CDA: variants seen among roughly 807,000 people sequenced by gnomAD.
CDA encodes cytidine aminohydrolase.
A neutral mutation model predicts 15.0 loss-of-function variants in CDA; 7 were observed. The observed-to-expected ratio is 0.47, with a 90% CI of 0.26 to 0.87. The LOEUF (loss-of-function observed/expected upper bound fraction) is 0.87. Ranked by LOEUF, CDA falls within the 40% of genes least tolerant of loss-of-function variation. The probability of loss-of-function intolerance (pLI) is 0.15; values close to 1 mark genes in which losing one functional copy is unlikely to be tolerated. For missense variants in CDA, 159 were observed against 182.7 expected (o/e 0.87, Z 0.75); for synonymous variants, 58 against 73.0 (o/e 0.79, Z 1.05).
chr1:20,609,567 G>T lies in CDA; in HGVS notation c.267-4275G>T, dbSNP rs1366458304. Among the ~76,000 whole-genome samples, 9 of 152,288 alleles carry T rather than the reference G, an allele frequency of 5.9e-5. 1 individual carries two copies. In the South Asian group the frequency reaches 1.9e-3, roughly 32 times the overall value. On this transcript the variant is annotated intron_variant, in intron 2 of 3. Coordinates refer to ENST00000375071, the MANE Select transcript of CDA (RefSeq NM_001785.3). ...GGGCCTTACAGGCCATGAAAGGAAGGCTGAATTTCATTCAGAGCAACTCTC... is the reference window on the plus strand; with the variant it reads ...GGGCCTTACAGGCCATGAAAGGAAGTCTGAATTTCATTCAGAGCAACTCTC...
At chr1:20,601,661 C>T (rs577042) in intron 1 of CDA, among the ~76,000 whole-genome samples, 119,166 of 152,150 alleles carry the variant, frequency 0.78, 47,002 homozygotes, top group Middle Eastern at 0.89. Flanking sequence ...TGAATGCCTG[C>T]GATCCTGAGA....
chr1:20,596,689 C>T (rs1557546180), intron 1 of CDA, among the ~76,000 whole-genome samples: 1 of 151,230 alleles, frequency 6.6e-6, no homozygotes, highest in African/African-American at 2.4e-5. Context: ...TGCTTTCTGG[C>T]ATTATTCTTT....
At chr1:20,605,935 G>A (rs143909706) in intron 2 of CDA, among the ~76,000 whole-genome samples, 1,590 of 126,348 alleles carry the variant, frequency 0.013, 303 homozygotes, top group African/African-American at 0.042. Context: ...TATAGGTTCT[G>A]TATTGTTTGA....
chr1:20,616,128 C>T (rs938267468), intron 3 of CDA, among the ~76,000 whole-genome samples: 1 of 152,168 alleles, frequency 6.6e-6, no homozygotes, highest in African/African-American at 2.4e-5. Context: ...TACTGAAGGG[C>T]CCCCTGCCAG....
chr1:20,602,067 G>C (rs1222490547), intron 1 of CDA, among the ~76,000 whole-genome samples: 1 of 148,058 alleles, frequency 6.8e-6, no homozygotes, highest in African/African-American at 2.5e-5. Context: ...GTTACAGTGA[G>C]CTATGATCAT....
At chr1:20,602,486 T>C (rs1347618336) in intron 1 of CDA, among the ~76,000 whole-genome samples, 4 of 152,060 alleles carry the variant, frequency 2.6e-5, no homozygotes, top group Admixed American at 2.6e-4. Context: ...CGCAGTGGCA[T>C]GATCTCGGCT....
chr1:20,599,189 C>T (rs578057487), intron 1 of CDA, among the ~76,000 whole-genome samples: 4 of 152,276 alleles, frequency 2.6e-5, no homozygotes, highest in African/African-American at 9.6e-5. Context: ...GGCCCTGTGG[C>T]AGGAGCATAC....
chr1:20,600,875 T>C (rs2052637905), intron 1 of CDA, among the ~76,000 whole-genome samples: 1 of 152,234 alleles, frequency 6.6e-6, no homozygotes, highest in African/African-American at 2.4e-5. Flanking sequence ...TCAACTTTCA[T>C]TGACTCAGCA....
chr1:20,616,770 C>T (rs755399362), intron 3 of CDA, among the ~76,000 whole-genome samples: 1 of 152,146 alleles, frequency 6.6e-6, no homozygotes, highest in Non-Finnish European at 1.5e-5. Flanking sequence ...TAAACTCGCC[C>T]TCGGCTCAAC....
chr1:20,603,061 G>A (rs2052662120), intron 1 of CDA, among the ~76,000 whole-genome samples: 1 of 152,174 alleles, frequency 6.6e-6, no homozygotes, highest in Admixed American at 6.5e-5. Context: ...CTGCCTTCCT[G>A]GTTATTGCAG....
At chr1:20,599,952 C>A (rs147000625) in intron 1 of CDA, among the ~76,000 whole-genome samples, 6 of 152,332 alleles carry the variant, frequency 3.9e-5, no homozygotes, top group Non-Finnish European at 7.3e-5. Flanking sequence ...GAGGTTCAGT[C>A]CCTTTCCCCA....
At chr1:20,601,302 G>A (rs1280504361) in intron 1 of CDA, among the ~76,000 whole-genome samples, 1 of 152,160 alleles carries the variant, frequency 6.6e-6, no homozygotes, top group Admixed American at 6.5e-5. Context: ...ACTCTGATTG[G>A]CCAGTTTGAG....
At chr1:20,616,662 G>T (rs982290719) in intron 3 of CDA, among the ~76,000 whole-genome samples, 2 of 152,144 alleles carry the variant, frequency 1.3e-5, no homozygotes, top group Non-Finnish European at 2.9e-5. Flanking sequence ...GTTGGCAAAC[G>T]AGAGAAGGCA....
intron 1 of CDA, among the ~76,000 whole-genome samples, chr1:20,597,868 G>C (rs1287196505): frequency 6.7e-6 from 1 of 150,210 alleles, no homozygotes; most frequent in Non-Finnish European, 1.5e-5. Context: ...CGTGGGCAAA[G>C]GCTTCCTTCC....
intron 1 of CDA, among the ~76,000 whole-genome samples, chr1:20,601,090 C>T (rs1570379608): frequency 6.6e-6 from 1 of 152,198 alleles, no homozygotes; most frequent in Non-Finnish European, 1.5e-5. Context: ...TATAACTAAA[C>T]CGTGGGAAGA....
chr1:20,617,179 C>T (rs2154532959), intron 3 of CDA, among the ~76,000 whole-genome samples: 1 of 152,258 alleles, frequency 6.6e-6, no homozygotes, highest in South Asian at 2.1e-4. Flanking sequence ...ACTGAGTGAG[C>T]CCCAGAAAGT....
intron 1 of CDA, among the ~76,000 whole-genome samples, chr1:20,595,986 T>C (rs1165827282): frequency 7.1e-6 from 1 of 140,960 alleles, no homozygotes; most frequent in Non-Finnish European, 1.6e-5. Flanking sequence ...TCGTCTCTAT[T>C]AAAAATACAA....
chr1:20,609,468 A>T (rs954941766), intron 2 of CDA, among the ~76,000 whole-genome samples: 2 of 152,316 alleles, frequency 1.3e-5, no homozygotes, highest in Non-Finnish European at 2.9e-5. Flanking sequence ...CCTGGGCGAC[A>T]GAGCGAGACT....
At chr1:20,598,702 A>G (rs561629822) in intron 1 of CDA, among the ~76,000 whole-genome samples, 1 of 152,294 alleles carries the variant, frequency 6.6e-6, no homozygotes, top group East Asian at 1.9e-4. Context: ...AATAGCACTA[A>G]TCCCATCATG....
Sources: allele counts gnomAD v4.1 joint callset (sites outside exome capture counted in the v4.1 genomes callset), GRCh38; gene constraint gnomAD v4.1.1; transcripts MANE v1.5; gene names NCBI Gene and HGNC (gene_info 2026-07-23, HGNC 2026-07-21).